Variants in PKHD1 observed in about 807,000 individuals in gnomAD.
The protein encoded by PKHD1 is PKHD1 ciliary IPT domain containing fibrocystin/polyductin, also known as fibrocystin.
A neutral mutation model predicts 412.0 loss-of-function variants in PKHD1; 291 were observed. That is an observed-to-expected ratio of 0.71 (90% CI 0.64 to 0.78). The LOEUF (loss-of-function observed/expected upper bound fraction) is 0.78. Ranked by LOEUF, PKHD1 falls within the 30% of genes least tolerant of loss-of-function variation. The probability of loss-of-function intolerance (pLI) is 0.00; values close to 1 mark genes in which losing one functional copy is unlikely to be tolerated. For missense variants in PKHD1, 4,825 were observed against 4,950.7 expected (o/e 0.97, Z 0.76); for synonymous variants, 1,777 against 1,821.5 (o/e 0.98, Z 0.62).
intron 64 of PKHD1, 64 bp from the exon 65 acceptor site, chr6:51,632,787 T>C: frequency 2.2e-6 from 3 of 1,333,374 alleles, no homozygotes; most frequent in East Asian, 2.5e-5. Flanking sequence ...AATTAAAATA[T>C]GGTAAAAATA....
chr6:51,800,728 C>G (rs1366274352), intron 52 of PKHD1, among the ~76,000 whole-genome samples: 1 of 152,186 alleles, frequency 6.6e-6, no homozygotes, highest in South Asian at 2.1e-4. Context: ...TAATTTAGGG[C>G]AGGCAGACCC....
At chr6:51,726,363 G>A (rs904659622) in intron 60 of PKHD1, among the ~76,000 whole-genome samples, 11 of 152,104 alleles carry the variant, frequency 7.2e-5, no homozygotes, top group African/African-American at 2.7e-4. Context: ...AAATACATAT[G>A]GTAAAATAAA....
chr6:51,856,320 GT>G (rs1457474369), intron 48 of PKHD1, among the ~76,000 whole-genome samples: 2 of 152,134 alleles, frequency 1.3e-5, no homozygotes, highest in African/African-American at 4.8e-5. Context: ...TGACTCTCAG[GT>G]TTTTTATTTT....
chr6:51,679,919 T>C (rs1253213829), intron 60 of PKHD1, among the ~76,000 whole-genome samples: 1 of 152,040 alleles, frequency 6.6e-6, no homozygotes, highest in Non-Finnish European at 1.5e-5. Flanking sequence ...ACAGTGATTA[T>C]TCTCAGGACT....
At chr6:51,720,392 T>C (rs922620826) in intron 60 of PKHD1, among the ~76,000 whole-genome samples, 3 of 152,188 alleles carry the variant, frequency 2.0e-5, no homozygotes, top group East Asian at 3.8e-4. Flanking sequence ...CATCTCAGGC[T>C]GCTCATTTGC....
intron 52 of PKHD1, among the ~76,000 whole-genome samples, chr6:51,802,442 C>G (rs1414136760): frequency 5.3e-5 from 8 of 151,394 alleles, no homozygotes; most frequent in Non-Finnish European, 1.5e-5. Context: ...CTCTCCAATC[C>G]TGTAGTGAAT....
At chr6:51,947,339 T>C (rs1460497523) in intron 36 of PKHD1, among the ~76,000 whole-genome samples, 3 of 152,236 alleles carry the variant, frequency 2.0e-5, no homozygotes, top group African/African-American at 7.2e-5. Context: ...CAAATTTTCA[T>C]CATGTGCTAT....
At chr6:51,687,151 G>C (rs1335825518) in intron 60 of PKHD1, among the ~76,000 whole-genome samples, 1 of 152,098 alleles carries the variant, frequency 6.6e-6, no homozygotes, top group Non-Finnish European at 1.5e-5. Flanking sequence ...CCTTCACAGA[G>C]AGGAATGAAT....
chr6:51,764,613 A>G (rs1788656382), intron 55 of PKHD1, among the ~76,000 whole-genome samples: 1 of 151,576 alleles, frequency 6.6e-6, no homozygotes, highest in South Asian at 2.1e-4. Flanking sequence ...ACACATGCAC[A>G]CGTATGTTTA....
intron 57 of PKHD1, among the ~76,000 whole-genome samples, chr6:51,752,468 C>A (rs188053733): frequency 7.7e-4 from 117 of 152,298 alleles, no homozygotes; most frequent in African/African-American, 2.6e-3. Context: ...GATTTAAGGT[C>A]CAAACACTGC....
rs1384539153 is a variant in PKHD1, at chr6:52,062,636, A to T, written c.1001T>A (p.Val334Asp). The T allele has an allele frequency of 6.2e-7, 1 of 1,614,136 alleles. No homozygotes were observed. The highest frequency in any genetic ancestry group is 2.2e-5 in the East Asian group (1 of 44,878). Reference sequence around the variant, plus strand: ...TTCCAGTCCCTCAACAGCATCTCCAACTTCAAAAAGAAGCCCTCGATTGCC... The same window carrying T: ...TTCCAGTCCCTCAACAGCATCTCCATCTTCAAAAAGAAGCCCTCGATTGCC... ...QPGNRGLLFE[V>D]GDAVEGLELT... Residue 334 changes from valine (V) to aspartate (D), a missense_variant, in exon 14 of 67, where the codon GTT becomes GAT. Transcript: ENST00000371117.
At chr6:51,621,022 C>T (rs1438992060) in intron 66 of PKHD1, among the ~76,000 whole-genome samples, 3 of 152,084 alleles carry the variant, frequency 2.0e-5, no homozygotes, top group Non-Finnish European at 4.4e-5. Flanking sequence ...TCAGGTTACC[C>T]TAGTTTTCCT....
At chr6:52,029,511 AT>A (rs1198085666) in intron 29 of PKHD1, among the ~76,000 whole-genome samples, 4 of 152,218 alleles carry the variant, frequency 2.6e-5, no homozygotes, top group African/African-American at 9.6e-5. Context: ...AAGCACTGGG[AT>A]TGCTCAAATC....
chr6:51,717,569 TGC>T (rs1479181471), intron 60 of PKHD1, among the ~76,000 whole-genome samples: 5 of 152,204 alleles, frequency 3.3e-5, no homozygotes, highest in Non-Finnish European at 7.3e-5. Context: ...TATGCTGTGG[TGC>T]AGGTTTGTAA....
In PKHD1 at chr6:52,053,152, G is replaced by A. The variant is rs1391871410; in HGVS notation, c.2064C>T (p.Ile688=). The A allele has an allele frequency of 1.2e-6, 2 of 1,614,032 alleles. No individual in the cohort carries two copies. The highest frequency in any genetic ancestry group is 1.3e-5 in the African/African-American group (1 of 74,936). ...PANSPVLVHQ[I]NLLPLAQETG... ...TCTCCTGGGCCAGAGGGAGAAGGTT[G>A]ATCTGATGAACCAGCACTGGGGAGT... The change falls in exon 21 of 67, where the codon ATC becomes ATT. Residue 688 remains isoleucine, a synonymous_variant. Coordinates refer to ENST00000371117, the MANE Select transcript of PKHD1 (RefSeq NM_138694.4).
intron 60 of PKHD1, chr6:51,721,897 C>T: frequency 6.2e-7 from 1 of 1,603,036 alleles, no homozygotes; most frequent in Non-Finnish European, 8.5e-7. Flanking sequence ...ACAAGTCTTT[C>T]CATTTGGTCC....
rs1373551481 is a variant in PKHD1, at chr6:52,057,898, AGCT to A, written c.1512+422_1512+424del. The stretch of plus-strand genomic sequence containing the variant: ...ACTCTTCAAAGAAAATATGGGGCAC[AGCT>A]GAGAGACCCAAAGGACATGACCTTT... On this transcript the variant is annotated intron_variant, in intron 16 of 66. Coordinates refer to ENST00000371117, the MANE Select transcript of PKHD1 (RefSeq NM_138694.4). Among the ~76,000 whole-genome samples, 2 of 152,264 alleles carry A rather than the reference AGCT, an allele frequency of 1.3e-5. 1 individual carries two copies. Among genetic ancestry groups the A allele is most frequent in the Admixed American group, 1.3e-4 (2 of 15,288 alleles).
In PKHD1 at chr6:51,659,841, G is replaced by T; in HGVS notation, c.10285C>A (p.Pro3429Thr). 6.2e-7 allele frequency: 1 copy of T among 1,613,806 alleles called. No homozygotes were observed. Among genetic ancestry groups the T allele is most frequent in the Non-Finnish European group, 8.5e-7 (1 of 1,179,838 alleles). Reference protein sequence around the residue: ...DAIWAIQKLYPVVSVTSGFVD... With the variant: ...DAIWAIQKLYTVVSVTSGFVD... The stretch of plus-strand genomic sequence containing the variant: ...AAACCACTAGTCACAGATACAACTG[G>T]ATATAACTTCTGAATTGCCCAAATG... Residue 3429 changes from proline to threonine, a missense_variant, in exon 61 of 67, where the codon CCA (proline) becomes ACA (threonine). Coordinates refer to ENST00000371117, the MANE Select transcript of PKHD1 (RefSeq NM_138694.4).
At chr6:51,790,011 A>C (rs1475374115) in intron 53 of PKHD1, among the ~76,000 whole-genome samples, 1 of 152,212 alleles carries the variant, frequency 6.6e-6, no homozygotes, top group Non-Finnish European at 1.5e-5. Flanking sequence ...GGAAGTATTC[A>C]AGAAAAGGAT....
Sources: allele counts gnomAD v4.1 joint callset (sites outside exome capture counted in the v4.1 genomes callset), GRCh38; gene constraint gnomAD v4.1.1; transcripts MANE v1.5; gene names NCBI Gene and HGNC (gene_info 2026-07-23, HGNC 2026-07-21).